THRB: variants seen among roughly 807,000 people sequenced by gnomAD.
THRB encodes nuclear receptor subfamily 1 group A member 2.
Under a neutral mutation model 47.8 loss-of-function variants are expected in THRB, and 12 were observed. The ratio of observed to expected loss-of-function variants is 0.25; its 90% confidence interval spans 0.16 to 0.41. THRB has a LOEUF of 0.41. Among genes scored for constraint, THRB ranks in the 10% least tolerant of loss-of-function variants. The pLI is 1.00. For missense variants in THRB, 348 were observed against 589.2 expected (o/e 0.59, Z 4.24); for synonymous variants, 218 against 212.2 (o/e 1.03, Z -0.24).
At chr3:24,432,883 T>C (rs2070588083) in intron 1 of THRB, among the ~76,000 whole-genome samples, 1 of 152,044 alleles carries the variant, frequency 6.6e-6, no homozygotes, top group Non-Finnish European at 1.5e-5. Context: ...CCTAGAGCTA[T>C]GAGAGAATGT....
intron 3 of THRB, among the ~76,000 whole-genome samples, chr3:24,272,403 A>T (rs966841013): frequency 5.3e-5 from 8 of 151,674 alleles, no homozygotes; most frequent in Non-Finnish European, 1.2e-4. Context: ...CAAAAAAACC[A>T]ACCAAAAACC....
At chr3:24,399,010 T>A (rs1445435229) in intron 1 of THRB, among the ~76,000 whole-genome samples, 4 of 151,026 alleles carry the variant, frequency 2.6e-5, no homozygotes, top group Admixed American at 6.6e-5. Context: ...TTCTCACTCA[T>A]AGGTGGGAAT....
intron 1 of THRB, among the ~76,000 whole-genome samples, chr3:24,405,321 T>C (rs2067733013): frequency 6.6e-6 from 1 of 151,960 alleles, no homozygotes; most frequent in African/African-American, 2.4e-5. Flanking sequence ...AGTTTTACTG[T>C]AACACAGTCA....
intron 3 of THRB, among the ~76,000 whole-genome samples, chr3:24,285,250 C>A (rs1200226519): frequency 6.6e-6 from 1 of 151,606 alleles, no homozygotes; most frequent in Non-Finnish European, 1.5e-5. Flanking sequence ...TACTATGCAG[C>A]CTTAAAAAAG....
chr3:24,161,288 T>C (rs917758044), intron 5 of THRB, among the ~76,000 whole-genome samples: 4 of 152,224 alleles, frequency 2.6e-5, no homozygotes, highest in African/African-American at 9.6e-5. Flanking sequence ...ATACGCATTG[T>C]TGAAAAATCT....
intron 9 of THRB, among the ~76,000 whole-genome samples, chr3:24,131,485 C>T (rs189693987): frequency 8.5e-5 from 13 of 152,330 alleles, no homozygotes; most frequent in Admixed American, 6.5e-4. Flanking sequence ...TGAGTCATTG[C>T]TACTGCAAGG....
intron 3 of THRB, among the ~76,000 whole-genome samples, chr3:24,265,974 A>G (rs2052609057): frequency 1.3e-5 from 2 of 152,234 alleles, no homozygotes; most frequent in South Asian, 4.1e-4. Context: ...TCTTTATAAT[A>G]CTTTTTTGTA....
At chr3:24,415,333 A>C (rs573863266) in intron 1 of THRB, among the ~76,000 whole-genome samples, 49 of 152,004 alleles carry the variant, frequency 3.2e-4, no homozygotes, top group Non-Finnish European at 6.5e-4. Context: ...CAAGAATATC[A>C]TTCTTTCTGC....
At chr3:24,448,097 C>G (rs1054829352) in intron 1 of THRB, among the ~76,000 whole-genome samples, 1 of 151,882 alleles carries the variant, frequency 6.6e-6, no homozygotes, top group South Asian at 2.1e-4. Flanking sequence ...TGGGTGACAA[C>G]TGAATTATGA....
At chr3:24,141,522 T>A (rs2035442522) in intron 8 of THRB, among the ~76,000 whole-genome samples, 1 of 152,256 alleles carries the variant, frequency 6.6e-6, no homozygotes, top group Non-Finnish European at 1.5e-5. Flanking sequence ...GCATTTATTT[T>A]GTTTGTTTAT....
chr3:24,196,835 G>T (rs1217085235), intron 4 of THRB, among the ~76,000 whole-genome samples: 1 of 152,196 alleles, frequency 6.6e-6, no homozygotes, highest in Non-Finnish European at 1.5e-5. Context: ...ATTTTATCTG[G>T]CTTGATTAGC....
Position 24,170,625 on chromosome 3 carries a change from A to G in THRB, c.284-18135T>C, listed in dbSNP as rs138626814. ...GCACTCCAAGTTTTTGCCTGCCTCAATTCAAGGACGCTGCACATGTTCTTC... is the reference window on the plus strand; with the variant it reads ...GCACTCCAAGTTTTTGCCTGCCTCAGTTCAAGGACGCTGCACATGTTCTTC... On this transcript the variant is annotated intron_variant, in intron 5 of 10. Coordinates refer to ENST00000646209, the MANE Select transcript of THRB (RefSeq NM_001354712.2). 1.7e-3 allele frequency among the ~76,000 whole-genome samples: 266 copies of G among 152,270 alleles called. 4 individuals carry two copies. Among genetic ancestry groups the G allele is most frequent in the Non-Finnish European group, 2.4e-4 (16 of 68,002 alleles).
At chr3:24,194,918 T>C (rs1283073421) in intron 4 of THRB, among the ~76,000 whole-genome samples, 1 of 152,198 alleles carries the variant, frequency 6.6e-6, no homozygotes, top group Admixed American at 6.5e-5. Flanking sequence ...TTCATGGCAC[T>C]CATTGCAAGA....
At chr3:24,316,531 C>A (rs2058124321) in intron 2 of THRB, among the ~76,000 whole-genome samples, 1 of 151,982 alleles carries the variant, frequency 6.6e-6, no homozygotes, top group Admixed American at 6.6e-5. Context: ...TCAGACTCTA[C>A]ATTTAATTGT....
chr3:24,357,984 C>T (rs142373483), intron 1 of THRB, among the ~76,000 whole-genome samples: 116 of 152,102 alleles, frequency 7.6e-4, no homozygotes, highest in African/African-American at 2.6e-3. Flanking sequence ...TATTTTTTGT[C>T]ATTTATGTCT....
At chr3:24,230,855 G>T (rs1559675175) in intron 3 of THRB, among the ~76,000 whole-genome samples, 2 of 152,178 alleles carry the variant, frequency 1.3e-5, no homozygotes, top group Non-Finnish European at 2.9e-5. Flanking sequence ...GAGGGAGAGA[G>T]AAAGAGATAT....
chr3:24,430,965 T>G (rs974887870), intron 1 of THRB: 2 of 152,028 alleles, frequency 1.3e-5, no homozygotes, highest in African/African-American at 4.8e-5. Context: ...GCCAAAGGAA[T>G]AAAGAATGTT....
chr3:24,292,267 A>G (rs2056004092), intron 3 of THRB, among the ~76,000 whole-genome samples: 1 of 152,182 alleles, frequency 6.6e-6, no homozygotes, highest in Non-Finnish European at 1.5e-5. Flanking sequence ...GGGGCCTTCT[A>G]CATTTCATTT....
intron 1 of THRB, chr3:24,483,944 A>AT (rs1335315467): frequency 6.6e-6 from 1 of 152,168 alleles, no homozygotes. Flanking sequence ...GAGCAAAGTG[A>AT]TTATGTGTTT....
Sources: allele counts gnomAD v4.1 joint callset (sites outside exome capture counted in the v4.1 genomes callset), GRCh38; gene constraint gnomAD v4.1.1; transcripts MANE v1.5; gene names NCBI Gene and HGNC (gene_info 2026-07-23, HGNC 2026-07-21).